The following CPEB1 variants were observed in gnomAD, a reference collection of about 807,000 sequenced individuals.
The protein encoded by CPEB1 is cytoplasmic polyadenylation element-binding protein 1.
CPEB1 carries 7 observed loss-of-function variants against 65.8 expected under a neutral mutation model. The ratio of observed to expected loss-of-function variants is 0.11; its 90% confidence interval spans 0.06 to 0.20. The LOEUF is 0.20. CPEB1 is among the 10% of genes least tolerant of loss of function. The pLI, the probability that CPEB1 is intolerant of heterozygous loss-of-function variation, is 1.00. For synonymous variants in CPEB1, 262 were observed against 260.0 expected, an observed-to-expected ratio of 1.01 and a Z score of -0.08; for missense variants, 551 against 712.2, an observed-to-expected ratio of 0.77 and a Z score of 2.58.
intron 4 of CPEB1, among the ~76,000 whole-genome samples, chr15:82,565,744 C>G (rs2039012247): frequency 1.3e-5 from 2 of 152,244 alleles, no homozygotes; most frequent in Non-Finnish European, 2.9e-5. Context: ...TTGCTCTGTT[C>G]TTTCCTGGCC....
intron 4 of CPEB1, among the ~76,000 whole-genome samples, chr15:82,566,707 T>TA (rs2039190474): frequency 6.6e-6 from 1 of 152,104 alleles, no homozygotes; most frequent in Non-Finnish European, 1.5e-5. Flanking sequence ...CCCCTGTCAC[T>TA]AACCACCTCA....
intron 3 of CPEB1, among the ~76,000 whole-genome samples, chr15:82,606,829 AAAAAAAAT>A (rs1247222099): frequency 2.1e-5 from 1 of 46,554 alleles, no homozygotes; most frequent in Admixed American, 1.9e-4. Context: ...AAAAAAAAAA[AAAAAAAAT>A]ACATAGTAAA....
intron 3 of CPEB1, chr15:82,583,584 AT>A (rs1487097448): frequency 1.3e-5 from 2 of 152,240 alleles, no homozygotes; most frequent in Non-Finnish European, 2.9e-5. Flanking sequence ...CAAAAGATTT[AT>A]TCTTTGATAA....
At chr15:82,637,231 A>G (rs1165860488) in intron 1 of CPEB1, among the ~76,000 whole-genome samples, 1 of 152,224 alleles carries the variant, frequency 6.6e-6, no homozygotes, top group Non-Finnish European at 1.5e-5. Context: ...GGAATAAAAG[A>G]AACTAAAGGC....
At chr15:82,557,734 T>C (rs1344708873) in intron 5 of CPEB1, 26 bp downstream of exon 5, 1 of 1,601,636 alleles carries the variant, frequency 6.2e-7, no homozygotes. Context: ...CACCCACAAC[T>C]CCCCTTTCCC....
intron 3 of CPEB1, among the ~76,000 whole-genome samples, chr15:82,596,458 C>T (rs962890537): frequency 6.6e-6 from 1 of 152,108 alleles, no homozygotes; most frequent in Non-Finnish European, 1.5e-5. Context: ...GTAATCCCAG[C>T]ACTTTGGGAG....
chr15:82,565,497 C>T (rs987744174), intron 4 of CPEB1, among the ~76,000 whole-genome samples: 1 of 152,136 alleles, frequency 6.6e-6, no homozygotes, highest in Admixed American at 6.5e-5. Context: ...TTCAAAGCCA[C>T]GAGCATACCT....
intron 3 of CPEB1, among the ~76,000 whole-genome samples, chr15:82,589,347 A>AC (rs1472434477): frequency 1.3e-5 from 2 of 152,170 alleles, no homozygotes; most frequent in African/African-American, 4.8e-5. Context: ...TGAGAGAGAG[A>AC]CCTCAATTGT....
chr15:82,584,496 G>C (rs1048301728), intron 3 of CPEB1, among the ~76,000 whole-genome samples: 4 of 151,376 alleles, frequency 2.6e-5, no homozygotes, highest in Non-Finnish European at 5.9e-5. Context: ...TGGCCAACAT[G>C]GTGAAACCCC....
chr15:82,597,799 G>C (rs783530), intron 3 of CPEB1, among the ~76,000 whole-genome samples: 60,803 of 152,056 alleles, frequency 0.4, 12,232 homozygotes, highest in South Asian at 0.49. Flanking sequence ...CAGCCTGCAT[G>C]ACAAGAATGA....
chr15:82,591,411 C>G (rs2042241810), intron 3 of CPEB1, among the ~76,000 whole-genome samples: 1 of 152,066 alleles, frequency 6.6e-6, no homozygotes. Context: ...ACTACGGGCG[C>G]CTGCCACCAT....
chr15:82,546,218 G>A (rs1595987631), intron 12 of CPEB1, among the ~76,000 whole-genome samples: 4 of 151,878 alleles, frequency 2.6e-5, no homozygotes, highest in Non-Finnish European at 4.4e-5. Flanking sequence ...CAAGCTATTC[G>A]CCTGCCTCAG....
chr15:82,637,619 A>G (rs960578038), intron 1 of CPEB1, among the ~76,000 whole-genome samples: 2 of 152,060 alleles, frequency 1.3e-5, no homozygotes, highest in Non-Finnish European at 2.9e-5. Context: ...CACACATGCT[A>G]TTCTGAAACA....
chr15:82,583,563 A>G (rs2041494771), intron 3 of CPEB1: 1 of 152,248 alleles, frequency 6.6e-6, no homozygotes, highest in African/African-American at 2.4e-5. Context: ...TGACAAAAAC[A>G]TTGAAAGCTT....
At chr15:82,648,135 C>T (rs587749332), upstream of CPEB1, 27 of 353,970 alleles carry the variant, frequency 7.6e-5, no homozygotes, top group East Asian at 1.1e-3. Flanking sequence ...CCGCCGCCCA[C>T]CCGGAACCCG....
intron 1 of CPEB1, among the ~76,000 whole-genome samples, chr15:82,641,988 C>A (rs2047153221): frequency 6.6e-6 from 1 of 151,476 alleles, no homozygotes; most frequent in Non-Finnish European, 1.5e-5. Flanking sequence ...AATTTGGATA[C>A]TAACTTTTTA....
At chr15:82,606,775 G>A (rs1223513705) in intron 3 of CPEB1, among the ~76,000 whole-genome samples, 3 of 93,844 alleles carry the variant, frequency 3.2e-5, no homozygotes, top group East Asian at 3.1e-4. Context: ...CCGAGATCCC[G>A]CCACTGCACT....
intron 3 of CPEB1, among the ~76,000 whole-genome samples, chr15:82,580,499 G>A (rs2041175464): frequency 1.3e-5 from 2 of 152,226 alleles, no homozygotes; most frequent in South Asian, 4.1e-4. Flanking sequence ...GGGGTACCCT[G>A]TACTAAAAAT....
chr15:82,630,840 G>A (rs947497650), intron 1 of CPEB1, among the ~76,000 whole-genome samples: 2 of 152,082 alleles, frequency 1.3e-5, no homozygotes, highest in African/African-American at 2.4e-5. Flanking sequence ...AATTGGAAAA[G>A]CCTCATATGC....
Sources: allele counts gnomAD v4.1 joint callset (sites outside exome capture counted in the v4.1 genomes callset), GRCh38; gene constraint gnomAD v4.1.1; transcripts MANE v1.5; gene names NCBI Gene and HGNC (gene_info 2026-07-23, HGNC 2026-07-21).